TIMD4: variants seen among roughly 807,000 people sequenced by gnomAD.
TIMD4 encodes T cell immunoglobulin and mucin domain containing 4.
TIMD4 carries 31 observed loss-of-function variants against 41.2 expected under a neutral mutation model. That is an observed-to-expected ratio of 0.75 (90% CI 0.57 to 1.01). TIMD4 has a LOEUF of 1.01. Ranked by LOEUF, TIMD4 falls within the 50% of genes least tolerant of loss-of-function variation. The pLI is 0.00. For missense variants in TIMD4, 479 were observed against 472.5 expected (o/e 1.01, Z -0.13); for synonymous variants, 204 against 177.1 (o/e 1.15, Z -1.21).
intron 1 of TIMD4, among the ~76,000 whole-genome samples, chr5:156,959,373 A>G (rs768239892): frequency 6.6e-6 from 1 of 152,148 alleles, no homozygotes; most frequent in Non-Finnish European, 1.5e-5. Context: ...TCTGAGCTCC[A>G]CTTGAAGAGG....
At position 156,957,621 on chromosome 5, in the gene TIMD4, G is replaced by A. The variant is rs575779029; in HGVS notation, c.59-2865C>T. The stretch of plus-strand genomic sequence containing the variant: ...AAGAAGTTTATTGTCATCACCCTCA[G>A]CTATGTTAACAACATAGAACACATG... On this transcript the variant is annotated intron_variant, in intron 1 of 8. Coordinates refer to ENST00000274532, the MANE Select transcript of TIMD4 (RefSeq NM_138379.3). Among the ~76,000 whole-genome samples, 3 of 152,084 alleles carry A rather than the reference G, an allele frequency of 2.0e-5. No individual in the cohort carries two copies. In the East Asian group the frequency reaches 5.8e-4, roughly 29 times the overall value.
At chr5:156,945,342 G>A (rs1759720575) in intron 5 of TIMD4, among the ~76,000 whole-genome samples, 1 of 152,194 alleles carries the variant, frequency 6.6e-6, no homozygotes, top group South Asian at 2.1e-4. Context: ...AATCAAAAGA[G>A]ATAATACATG....
At chr5:156,961,210 T>C (rs950335613) in intron 1 of TIMD4, among the ~76,000 whole-genome samples, 2 of 152,182 alleles carry the variant, frequency 1.3e-5, no homozygotes, top group Non-Finnish European at 2.9e-5. Flanking sequence ...AAATGGCTAC[T>C]ATCAAAAAGA....
chr5:156,929,863 G>T (rs968879332), intron 5 of TIMD4, among the ~76,000 whole-genome samples: 2 of 152,158 alleles, frequency 1.3e-5, no homozygotes, highest in Non-Finnish European at 2.9e-5. Context: ...GTCAGGAAGT[G>T]GGTGCTGAGC....
chr5:156,935,186 T>G (rs1240252932), intron 5 of TIMD4, among the ~76,000 whole-genome samples: 1 of 152,098 alleles, frequency 6.6e-6, no homozygotes, highest in Non-Finnish European at 1.5e-5. Context: ...CAATTTCTTT[T>G]TTTTTTTTAA....
chr5:156,919,664 C>G, intron 8 of TIMD4, 123 bp from the exon 9 acceptor site: 2 of 685,384 alleles, frequency 2.9e-6, no homozygotes, highest in Non-Finnish European at 4.9e-6. Flanking sequence ...TTCATTTAGT[C>G]TAAGCTCCAC....
At chr5:156,943,934 C>T (rs1759690961) in intron 5 of TIMD4, among the ~76,000 whole-genome samples, 1 of 151,336 alleles carries the variant, frequency 6.6e-6, no homozygotes, top group Non-Finnish European at 1.5e-5. Flanking sequence ...GTGGTGGGTG[C>T]CTGTAGTCCC....
chr5:156,945,429 A>G (rs1184246444), intron 5 of TIMD4, among the ~76,000 whole-genome samples: 1 of 152,252 alleles, frequency 6.6e-6, no homozygotes, highest in Non-Finnish European at 1.5e-5. Flanking sequence ...CTGACCCTCC[A>G]TTTCTTTACC....
intron 4 of TIMD4, among the ~76,000 whole-genome samples, 197 bp downstream of exon 4, chr5:156,949,452 CCT>C (rs1759811531): frequency 7.1e-6 from 1 of 140,976 alleles, no homozygotes; most frequent in Non-Finnish European, 1.6e-5. Context: ...TCCTCCTCCT[CCT>C]TCTCTCTCTC....
chr5:156,962,011 A>G (rs1753073747), intron 1 of TIMD4, among the ~76,000 whole-genome samples: 1 of 152,110 alleles, frequency 6.6e-6, no homozygotes, highest in Non-Finnish European at 1.5e-5. Context: ...CTCATACATG[A>G]GAGCTAAAAA....
intron 5 of TIMD4, among the ~76,000 whole-genome samples, chr5:156,935,070 T>C (rs1759514449): frequency 1.3e-5 from 2 of 152,266 alleles, no homozygotes; most frequent in East Asian, 3.9e-4. Flanking sequence ...CGCTGCCCCC[T>C]GTGGATCATG....
At chr5:156,942,318 C>A (rs1759664178) in intron 5 of TIMD4, among the ~76,000 whole-genome samples, 1 of 152,228 alleles carries the variant, frequency 6.6e-6, no homozygotes, top group South Asian at 2.1e-4. Context: ...CAAAGACCAA[C>A]TCTGCACGGG....
At chr5:156,925,517 G>A (rs1759331194) in intron 6 of TIMD4, among the ~76,000 whole-genome samples, 1 of 152,144 alleles carries the variant, frequency 6.6e-6, no homozygotes, top group South Asian at 2.1e-4. Context: ...AGGGGATGGG[G>A]AAACTTTACT....
intron 5 of TIMD4, among the ~76,000 whole-genome samples, chr5:156,927,390 C>A (rs1458549558): frequency 6.6e-6 from 1 of 152,164 alleles, no homozygotes; most frequent in East Asian, 1.9e-4. Flanking sequence ...GCATGGTGCC[C>A]ATGTCAGATG....
intron 7 of TIMD4, 90 bp downstream of exon 7, chr5:156,922,009 G>A: frequency 1.0e-6 from 1 of 972,154 alleles, no homozygotes; most frequent in Non-Finnish European, 1.5e-6. Flanking sequence ...TTTGGGGAGG[G>A]ATAAAGGGGA....
chr5:156,947,333 GA>G (rs1423635462), intron 5 of TIMD4, among the ~76,000 whole-genome samples: 14 of 152,168 alleles, frequency 9.2e-5, no homozygotes, highest in Non-Finnish European at 1.9e-4. Context: ...TCTGTGGGTG[GA>G]AAAATAAATT....
chr5:156,932,000 A>G (rs1324790495), intron 5 of TIMD4, among the ~76,000 whole-genome samples: 1 of 147,346 alleles, frequency 6.8e-6, no homozygotes, highest in Admixed American at 6.7e-5. Flanking sequence ...TATTCTTTTA[A>G]AAGGATATAA....
chr5:156,957,767 G>T (rs190791945), intron 1 of TIMD4, among the ~76,000 whole-genome samples: 1 of 152,186 alleles, frequency 6.6e-6, no homozygotes, highest in East Asian at 1.9e-4. Flanking sequence ...GTTTGAGGCT[G>T]CAGTGAGCTA....
rs1246048160 is a variant in TIMD4 at position 156,922,905 on chromosome 5, AGAGT to A, written c.895-693_895-690del. ...TTTCTCACTAATATTTTTTCAAAAT[AGAGT>A]TAGTTAGTTGCCATAAAACATGTTA... is the stretch of plus-strand genomic sequence containing the variant. On this transcript the variant is annotated intron_variant, in intron 6 of 8. Coordinates refer to ENST00000274532, the MANE Select transcript of TIMD4 (RefSeq NM_138379.3). Among the ~76,000 whole-genome samples, 29 of 152,320 alleles carry A rather than the reference AGAGT, an allele frequency of 1.9e-4. No individual in the cohort carries two copies. In the East Asian group the frequency reaches 5.0e-3, roughly 26 times the overall value.
Sources: allele counts gnomAD v4.1 joint callset (sites outside exome capture counted in the v4.1 genomes callset), GRCh38; gene constraint gnomAD v4.1.1; transcripts MANE v1.5; gene names NCBI Gene and HGNC (gene_info 2026-07-23, HGNC 2026-07-21).